The following CDH4 variants were observed in gnomAD, a reference collection of about 807,000 sequenced individuals.
CDH4 encodes the protein cadherin 4.
CDH4 carries 33 observed loss-of-function variants against 86.0 expected under a neutral mutation model. The observed-to-expected ratio is 0.38, with a 90% CI of 0.29 to 0.51. CDH4 has a LOEUF of 0.51. Among genes scored for constraint, CDH4 ranks in the 20% least tolerant of loss-of-function variants. CDH4 has a pLI of 0.86. For synonymous variants in CDH4, 555 were observed against 549.4 expected (o/e 1.01, Z -0.14); for missense variants, 1,114 against 1,307.4 (o/e 0.85, Z 2.28).
intron 2 of CDH4, among the ~76,000 whole-genome samples, chr20:61,373,980 C>T (rs2084853438): frequency 6.6e-6 from 1 of 150,410 alleles, no homozygotes; most frequent in African/African-American, 2.5e-5. Flanking sequence ...GTGGTGTTCT[C>T]TAGAGGTGGG....
At chr20:61,592,000 G>A (rs755405814) in intron 2 of CDH4, among the ~76,000 whole-genome samples, 7 of 152,110 alleles carry the variant, frequency 4.6e-5, no homozygotes, top group East Asian at 1.9e-4. Context: ...ACAGACTGAC[G>A]CGTTCCTTTT....
In CDH4 at chr20:61,807,931, C is replaced by T. The variant is rs1225602900; in HGVS notation, c.576+34749C>T. 6.6e-6 allele frequency among the ~76,000 whole-genome samples: 1 copy of T among 152,224 alleles called. No individual in the cohort carries two copies. Among genetic ancestry groups the T allele is most frequent in the Non-Finnish European group, 1.5e-5 (1 of 68,046 alleles). On this transcript the variant is annotated intron_variant, in intron 4 of 15. Coordinates refer to ENST00000614565, the MANE Select transcript of CDH4 (RefSeq NM_001794.5). The surrounding 1 kb of genome is among the most constrained non-coding windows in gnomAD (Gnocchi z 4.5). ...AGGCACAGCGCGATCCAGCACAGTG[C>T]TGGGTGGTCTGGGTGCCGCCTCAGG... is the stretch of plus-strand genomic sequence containing the variant.
intron 2 of CDH4, among the ~76,000 whole-genome samples, chr20:61,328,171 T>C (rs1448892190): frequency 6.6e-6 from 1 of 151,968 alleles, no homozygotes; most frequent in South Asian, 2.1e-4. Context: ...TCTAATAAAA[T>C]TGCTATTTTT....
intron 2 of CDH4, among the ~76,000 whole-genome samples, chr20:61,338,049 T>A (rs2084629030): frequency 6.6e-6 from 1 of 152,126 alleles, no homozygotes; most frequent in Admixed American, 6.5e-5. Context: ...CAAGGATGGG[T>A]GGTAGGACTT....
chr20:61,785,648 G>A (rs1280522269), intron 4 of CDH4, among the ~76,000 whole-genome samples: 1 of 151,916 alleles, frequency 6.6e-6, no homozygotes, highest in Non-Finnish European at 1.5e-5. Context: ...CCCCACCCAG[G>A]TGTGTAGAGC....
At chr20:61,918,716 C>T (rs1445718544) in intron 9 of CDH4, among the ~76,000 whole-genome samples, 1 of 152,066 alleles carries the variant, frequency 6.6e-6, no homozygotes, top group Non-Finnish European at 1.5e-5. Flanking sequence ...ATTGCAGTGA[C>T]TGCGTGTCAC....
chr20:61,300,698 G>A (rs1468103650), intron 2 of CDH4, among the ~76,000 whole-genome samples: 2 of 152,208 alleles, frequency 1.3e-5, no homozygotes, highest in African/African-American at 4.8e-5. Context: ...CCTTCCTGCT[G>A]CCCTCTGGGT....
intron 2 of CDH4, among the ~76,000 whole-genome samples, chr20:61,386,524 G>T (rs141691855): frequency 3.0e-4 from 45 of 152,334 alleles, no homozygotes; most frequent in Non-Finnish European, 5.7e-4. Flanking sequence ...GTGGAATGAT[G>T]CGGGGGGCCT....
chr20:61,807,239 G>A lies in CDH4; in HGVS notation c.576+34057G>A, dbSNP rs539783448. Among the ~76,000 whole-genome samples the A allele has an allele frequency of 2.0e-4, 30 of 152,318 alleles. No individual in the cohort carries two copies. In the South Asian group the frequency reaches 3.1e-3, roughly 16 times the overall value. On this transcript the variant is annotated intron_variant, in intron 4 of 15. Coordinates refer to ENST00000614565, the MANE Select transcript of CDH4 (RefSeq NM_001794.5). The surrounding 1 kb of genome is among the most constrained non-coding windows in gnomAD (Gnocchi z 4.5). ...AGAACTGCCCTGGGGAAGGAAGTCA[G>A]TGATGTTGTAGAGACTGGGTGTTGT...
intron 2 of CDH4, among the ~76,000 whole-genome samples, chr20:61,461,565 A>G (rs1258960145): frequency 6.6e-6 from 1 of 152,120 alleles, no homozygotes; most frequent in Non-Finnish European, 1.5e-5. Flanking sequence ...GAGTCCAGGC[A>G]CGGATGCCTG....
At chr20:61,748,446 G>A (rs1019350798) in intron 3 of CDH4, among the ~76,000 whole-genome samples, 1 of 152,198 alleles carries the variant, frequency 6.6e-6, no homozygotes, top group African/African-American at 2.4e-5. Flanking sequence ...CAGTAAAACT[G>A]TCTTTCAGGA....
intron 2 of CDH4, among the ~76,000 whole-genome samples, chr20:61,287,260 G>A (rs574357353): frequency 1.7e-4 from 26 of 152,228 alleles, no homozygotes; most frequent in South Asian, 2.1e-4. Context: ...AAATAAGCAC[G>A]AATAGGGGCA....
chr20:61,561,960 G>A (rs923917887), intron 2 of CDH4, among the ~76,000 whole-genome samples: 1 of 152,134 alleles, frequency 6.6e-6, no homozygotes, highest in African/African-American at 2.4e-5. Flanking sequence ...TGACCCCAGG[G>A]CTCCCAGAGA....
At chr20:61,695,558 G>T (rs544212623) in intron 2 of CDH4, among the ~76,000 whole-genome samples, 1 of 152,180 alleles carries the variant, frequency 6.6e-6, no homozygotes. Context: ...AGAGGAATCC[G>T]AGGTCTGCCA....
At chr20:61,899,245 A>G (rs1985271066) in intron 8 of CDH4, among the ~76,000 whole-genome samples, 1 of 151,792 alleles carries the variant, frequency 6.6e-6, no homozygotes, top group South Asian at 2.1e-4. Flanking sequence ...TGGAGGGTGC[A>G]GTGAATCGAG....
intron 2 of CDH4, among the ~76,000 whole-genome samples, chr20:61,318,169 C>T (rs1386382970): frequency 5.9e-5 from 9 of 152,074 alleles, no homozygotes; most frequent in East Asian, 1.9e-4. Context: ...GGGAACTCAC[C>T]ATCCTAATAG....
At chr20:61,478,869 G>A (rs1243868825) in intron 2 of CDH4, among the ~76,000 whole-genome samples, 1 of 152,236 alleles carries the variant, frequency 6.6e-6, no homozygotes, top group Non-Finnish European at 1.5e-5. Context: ...CTGCCTGGGG[G>A]CATCTTAAAC....
intron 2 of CDH4, among the ~76,000 whole-genome samples, chr20:61,599,124 T>TG (rs2086578723): frequency 6.6e-6 from 1 of 152,136 alleles, no homozygotes; most frequent in Non-Finnish European, 1.5e-5. Flanking sequence ...CCCTGCAGGT[T>TG]GGTGGATCTC....
intron 2 of CDH4, among the ~76,000 whole-genome samples, chr20:61,529,835 T>A (rs992177820): frequency 1.3e-5 from 2 of 152,104 alleles, no homozygotes; most frequent in Non-Finnish European, 2.9e-5. Flanking sequence ...AGTGTAATTT[T>A]TCTTTTCTTT....
Sources: gnomAD v4.1 joint callset for allele counts (sites outside exome capture counted in the v4.1 genomes callset) on GRCh38, gnomAD v4.1.1 for gene constraint, Gnocchi (gnomAD v3.1) non-coding constraint, MANE v1.5 for transcripts, NCBI Gene and HGNC (gene_info 2026-07-23, HGNC 2026-07-21) for gene names.